SNTB1: variants seen among roughly 807,000 people sequenced by gnomAD.
The protein encoded by SNTB1 is beta-1-syntrophin.
Under a neutral mutation model 48.9 loss-of-function variants are expected in SNTB1, and 36 were observed. That is an observed-to-expected ratio of 0.74 (90% CI 0.56 to 0.97). The LOEUF is 0.97. Ranked by LOEUF, SNTB1 falls within the 50% of genes least tolerant of loss-of-function variation. The pLI is 0.00. For missense variants in SNTB1, 786 were observed against 703.4 expected (o/e 1.12, Z -1.33); for synonymous variants, 299 against 294.6 (o/e 1.01, Z -0.15).
At chr8:120,772,285 G>A (rs985649108) in intron 1 of SNTB1, among the ~76,000 whole-genome samples, 12 of 150,248 alleles carry the variant, frequency 8.0e-5, no homozygotes, top group African/African-American at 2.0e-4. Context: ...TCACTATGCC[G>A]CCTAGGCTGG....
At chr8:120,621,410 T>C (rs1251325229) in intron 3 of SNTB1, among the ~76,000 whole-genome samples, 1 of 152,154 alleles carries the variant, frequency 6.6e-6, no homozygotes, top group Admixed American at 6.5e-5. Context: ...AGGGAAGATT[T>C]AGTCTGTTTG....
chr8:120,645,098 T>C (rs1817265522), intron 2 of SNTB1, among the ~76,000 whole-genome samples: 1 of 149,922 alleles, frequency 6.7e-6, no homozygotes, highest in Non-Finnish European at 1.5e-5. Context: ...GAAAATTTTC[T>C]CCCATTTTGT....
At chr8:120,794,294 C>T (rs1277908942) in intron 1 of SNTB1, among the ~76,000 whole-genome samples, 1 of 151,988 alleles carries the variant, frequency 6.6e-6, no homozygotes, top group Non-Finnish European at 1.5e-5. Flanking sequence ...CCCGTACCAG[C>T]ATTCCCAGCT....
At chr8:120,591,699 A>G (rs781052795) in intron 3 of SNTB1, among the ~76,000 whole-genome samples, 4 of 152,178 alleles carry the variant, frequency 2.6e-5, no homozygotes, top group Non-Finnish European at 5.9e-5. Flanking sequence ...CCTCACCCCA[A>G]CAAATTTCTG....
At chr8:120,786,723 GGC>G (rs1181354914) in intron 1 of SNTB1, among the ~76,000 whole-genome samples, 3 of 152,282 alleles carry the variant, frequency 2.0e-5, no homozygotes, top group Middle Eastern at 3.4e-3. Context: ...CTTTCCTGCT[GGC>G]TTGCAATGGA....
At chr8:120,774,351 C>T (rs1819695135) in intron 1 of SNTB1, among the ~76,000 whole-genome samples, 2 of 152,200 alleles carry the variant, frequency 1.3e-5, no homozygotes, top group South Asian at 4.1e-4. Flanking sequence ...GCAGCCAGGG[C>T]CATGTGGCTA....
intron 3 of SNTB1, among the ~76,000 whole-genome samples, chr8:120,629,570 G>A (rs559788930): frequency 1.3e-5 from 2 of 152,076 alleles, no homozygotes; most frequent in African/African-American, 4.8e-5. Context: ...TATAAGAAAG[G>A]CATCGTATTA....
chr8:120,585,975 G>C (rs1280329880), intron 3 of SNTB1, among the ~76,000 whole-genome samples: 2 of 152,172 alleles, frequency 1.3e-5, no homozygotes, highest in Admixed American at 6.5e-5. Flanking sequence ...AAGTTAAGTG[G>C]CTCTTGACCT....
At chr8:120,573,546 A>C (rs1815892490) in intron 4 of SNTB1, among the ~76,000 whole-genome samples, 1 of 112,480 alleles carries the variant, frequency 8.9e-6, no homozygotes, top group Non-Finnish European at 1.8e-5. Context: ...ATGTAGTTCC[A>C]TTTATTTATT....
chr8:120,805,904 T>C (rs1029747337), intron 1 of SNTB1, among the ~76,000 whole-genome samples: 25 of 152,356 alleles, frequency 1.6e-4, no homozygotes, highest in Admixed American at 5.2e-4. Flanking sequence ...CAGCACTTAT[T>C]CACGGTGTGT....
intron 1 of SNTB1, among the ~76,000 whole-genome samples, chr8:120,695,280 T>A (rs1181700337): frequency 6.6e-6 from 1 of 152,168 alleles, no homozygotes; most frequent in Non-Finnish European, 1.5e-5. Context: ...GTGCAAGACA[T>A]CAACAGGATT....
chr8:120,751,067 G>A (rs1046061714), intron 1 of SNTB1, among the ~76,000 whole-genome samples: 2 of 152,158 alleles, frequency 1.3e-5, no homozygotes, highest in African/African-American at 4.8e-5. Flanking sequence ...CCCACTGTCA[G>A]CTTTAGAGAA....
At chr8:120,544,826 G>T (rs1815350721) in intron 5 of SNTB1, among the ~76,000 whole-genome samples, 1 of 145,536 alleles carries the variant, frequency 6.9e-6, no homozygotes, top group East Asian at 2.0e-4. Flanking sequence ...TTCAGAGTAG[G>T]CATCAAAAAT....
intron 4 of SNTB1, among the ~76,000 whole-genome samples, chr8:120,573,638 T>C (rs1462088512): frequency 6.6e-6 from 1 of 152,240 alleles, no homozygotes; most frequent in African/African-American, 2.4e-5. Context: ...TATTTTTCCC[T>C]ATGTTTTCTT....
At chr8:120,576,348 G>T (rs61170458) in intron 3 of SNTB1, among the ~76,000 whole-genome samples, 3,175 of 152,298 alleles carry the variant, frequency 0.021, 107 homozygotes, top group African/African-American at 0.073. Flanking sequence ...AAGTGATAAA[G>T]CTAATTTCTT....
At position 120,761,850 on chromosome 8, in the gene SNTB1, A is replaced by T. The variant is rs769219500; in HGVS notation, c.571+49423T>A. 9.2e-5 allele frequency among the ~76,000 whole-genome samples: 14 copies of T among 152,198 alleles called. 1 individual carries two copies. Among genetic ancestry groups the T allele is most frequent in the Non-Finnish European group, 1.9e-4 (13 of 68,036 alleles). On this transcript the variant is annotated intron_variant, in intron 1 of 6. Coordinates refer to ENST00000517992, the MANE Select transcript of SNTB1 (RefSeq NM_021021.4). ...GGGGCACCCAGAGACTTTTAATAGA[A>T]GTATTTCTTTTTTATTAAAATAGTA...
At chr8:120,742,776 C>A (rs750446646) in intron 1 of SNTB1, among the ~76,000 whole-genome samples, 6 of 152,040 alleles carry the variant, frequency 3.9e-5, no homozygotes, top group African/African-American at 4.8e-5. Context: ...GGGAACTTTA[C>A]ACAAAGAAGG....
chr8:120,624,503 A>T (rs1816844754), intron 3 of SNTB1, among the ~76,000 whole-genome samples: 1 of 152,164 alleles, frequency 6.6e-6, no homozygotes, highest in Admixed American at 6.5e-5. Flanking sequence ...CAATGACCTA[A>T]TCATCTCTTA....
chr8:120,755,183 AGAGAGC>A (rs1463182199), intron 1 of SNTB1, among the ~76,000 whole-genome samples: 7 of 143,312 alleles, frequency 4.9e-5, no homozygotes, highest in South Asian at 2.3e-4. Flanking sequence ...AGAGAGAGAG[AGAGAGC>A]GAGAGAGAGA....
Sources: allele counts gnomAD v4.1 joint callset (sites outside exome capture counted in the v4.1 genomes callset), GRCh38; gene constraint gnomAD v4.1.1; transcripts MANE v1.5; gene names NCBI Gene and HGNC (gene_info 2026-07-23, HGNC 2026-07-21).